CNTLN: variants seen among roughly 807,000 people sequenced by gnomAD.
CNTLN encodes the protein centlein, also known as centlein, centrosomal protein.
CNTLN carries 212 observed loss-of-function variants against 180.0 expected under a neutral mutation model. The observed-to-expected ratio is 1.18, with a 90% CI of 1.05 to 1.32. The LOEUF is 1.32. CNTLN is among the 40% of genes most tolerant of loss of function. CNTLN has a pLI of 0.00. For synonymous variants in CNTLN, 722 were observed against 563.1 expected (o/e 1.28, Z -3.99); for missense variants, 2,095 against 1,610.9 (o/e 1.30, Z -5.14).
intron 5 of CNTLN, among the ~76,000 whole-genome samples, chr9:17,267,846 C>T (rs578146036): frequency 2.0e-5 from 3 of 152,110 alleles, no homozygotes; most frequent in East Asian, 1.9e-4. Flanking sequence ...AATGAGGCTT[C>T]TGCAGTCCAC....
intron 5 of CNTLN, among the ~76,000 whole-genome samples, chr9:17,246,944 G>A (rs1825832685): frequency 6.6e-6 from 1 of 151,988 alleles, no homozygotes; most frequent in African/African-American, 2.4e-5. Flanking sequence ...CTAGGTCCTG[G>A]AATGCGTGCC....
rs541738696 is a variant in CNTLN at position 17,312,750 on chromosome 9, T to G, written c.1341+3498T>G. On this transcript the variant is annotated intron_variant, in intron 8 of 25. Coordinates refer to ENST00000380647, the MANE Select transcript of CNTLN (RefSeq NM_017738.4). ...TTGTCATAAAGCCAAGCATATTGTT[T>G]TGGTGAAAGTACTATATGTACCTGA... Among the ~76,000 whole-genome samples the G allele has an allele frequency of 2.9e-4, 44 of 152,136 alleles. 1 individual carries two copies. Among genetic ancestry groups the G allele is most frequent in the African/African-American group, 1.0e-3 (43 of 41,518 alleles).
chr9:17,395,054 A>T lies in CNTLN; in HGVS notation c.2600A>T (p.Asp867Val), dbSNP rs761030749. 1 of 1,607,914 alleles carries T rather than the reference A, an allele frequency of 6.2e-7. No individual in the cohort carries two copies. The highest frequency in any genetic ancestry group is 1.7e-5 in the Admixed American group (1 of 59,774). ...FENLSKDGWE[D>V]VSESSSDSEA... Reference sequence around the variant, plus strand: ...AACCTCAGCAAGGACGGCTGGGAGGATGTGAGTGAAAGCAGGTAAGGCTCT... The same window carrying T: ...AACCTCAGCAAGGACGGCTGGGAGGTTGTGAGTGAAAGCAGGTAAGGCTCT... Residue 867 changes from aspartate (D) to valine (V), a missense_variant, in exon 15 of 26, where the codon GAT becomes GTT. Transcript: ENST00000380647.
intron 12 of CNTLN, among the ~76,000 whole-genome samples, chr9:17,353,565 T>C (rs1164329417): frequency 6.6e-6 from 1 of 151,056 alleles, no homozygotes; most frequent in Non-Finnish European, 1.5e-5. Context: ...AACTGGGTTG[T>C]TTATCTTTTT....
At chr9:17,270,193 G>A (rs1173981255) in intron 5 of CNTLN, among the ~76,000 whole-genome samples, 1 of 151,848 alleles carries the variant, frequency 6.6e-6, no homozygotes, top group Non-Finnish European at 1.5e-5. Flanking sequence ...TATAAAACCA[G>A]TTTGTTCTTG....
intron 7 of CNTLN, among the ~76,000 whole-genome samples, chr9:17,304,058 A>G (rs1818544966): frequency 6.6e-6 from 1 of 152,118 alleles, no homozygotes; most frequent in Non-Finnish European, 1.5e-5. Flanking sequence ...GATCTGTATC[A>G]TAATATCTGT....
Position 17,303,970 on chromosome 9 carries a change from C to G in CNTLN, c.1147-5088C>G, listed in dbSNP as rs542255849. The stretch of plus-strand genomic sequence containing the variant: ...TACTGTTTCTAATGAAGTTTGTTTC[C>G]TCTGTTCTCTTTCTCTCAATTCTTC... On this transcript the variant is annotated intron_variant, in intron 7 of 25. Transcript: ENST00000380647. Among the ~76,000 whole-genome samples, 10 of 152,160 alleles carry G rather than the reference C, an allele frequency of 6.6e-5. No homozygotes were observed. The East Asian group carries it at 1.9e-3, about 29-fold the overall frequency.
chr9:17,163,142 G>T (rs1040391975), intron 2 of CNTLN, among the ~76,000 whole-genome samples: 6 of 152,134 alleles, frequency 3.9e-5, no homozygotes, highest in South Asian at 2.1e-4. Flanking sequence ...ATCAGGTCTT[G>T]TGAGACTTGT....
chr9:17,375,441 C>T (rs1053727852), intron 13 of CNTLN, among the ~76,000 whole-genome samples: 1 of 152,134 alleles, frequency 6.6e-6, no homozygotes, highest in African/African-American at 2.4e-5. Flanking sequence ...ATGGATGCCC[C>T]ATTTACCCTG....
At chr9:17,329,954 T>C (rs1251535409) in intron 8 of CNTLN, among the ~76,000 whole-genome samples, 5 of 151,968 alleles carry the variant, frequency 3.3e-5, no homozygotes, top group African/African-American at 4.8e-5. Context: ...TTGCATGGGT[T>C]TTAATGGCCT....
intron 2 of CNTLN, among the ~76,000 whole-genome samples, chr9:17,212,326 TC>T (rs1823382020): frequency 6.6e-6 from 1 of 152,254 alleles, no homozygotes; most frequent in South Asian, 2.1e-4. Context: ...GTGGTTTTTG[TC>T]TTTGGTTCTG....
chr9:17,492,176 C>T (rs543752985), intron 25 of CNTLN, among the ~76,000 whole-genome samples: 1 of 152,048 alleles, frequency 6.6e-6, no homozygotes, highest in Admixed American at 6.6e-5. Flanking sequence ...TTTCGTATCA[C>T]TAGAATGTGA....
At chr9:17,353,286 C>T (rs1257484526) in intron 12 of CNTLN, among the ~76,000 whole-genome samples, 12 of 127,540 alleles carry the variant, frequency 9.4e-5, no homozygotes, top group East Asian at 2.3e-4. Context: ...AACTGCCAAA[C>T]TTTTTTTTTT....
chr9:17,266,514 G>T (rs1198099082), intron 5 of CNTLN, among the ~76,000 whole-genome samples: 1 of 152,152 alleles, frequency 6.6e-6, no homozygotes, highest in Non-Finnish European at 1.5e-5. Flanking sequence ...TGTATATTCT[G>T]TTGATTTGGG....
intron 2 of CNTLN, among the ~76,000 whole-genome samples, chr9:17,162,045 T>C (rs536050631): frequency 2.0e-5 from 3 of 152,336 alleles, no homozygotes; most frequent in Admixed American, 2.0e-4. Context: ...GTAAGGAGAA[T>C]GTGCCAGAAT....
chr9:17,332,688 T>G lies in CNTLN; in HGVS notation c.1602T>G (p.Ala534=). 1 of 1,606,756 alleles carries G rather than the reference T, an allele frequency of 6.2e-7. No individual in the cohort carries two copies. The highest frequency in any genetic ancestry group is 8.5e-7 in the Non-Finnish European group (1 of 1,177,200). Residue 534 remains alanine, a synonymous_variant, in exon 10 of 26, where the codon GCT becomes GCG. Transcript: ENST00000380647. Reference sequence around the variant, plus strand: ...AAGAGCTACAGAAGCTGAGAAAAGCTGAAAGAAAGATTGAAAACTTAGAGA... The same window carrying G: ...AAGAGCTACAGAAGCTGAGAAAAGCGGAAAGAAAGATTGAAAACTTAGAGA... The part of the protein sequence containing the change: ...DSEELQKLRK[A]ERKIENLEKA...
chr9:17,231,584 T>C (rs965682418), intron 3 of CNTLN, among the ~76,000 whole-genome samples: 1 of 152,132 alleles, frequency 6.6e-6, no homozygotes, highest in African/African-American at 2.4e-5. Context: ...CATTTTTTCC[T>C]TACCTTCTAG....
rs945845476 is a variant in CNTLN at position 17,464,036 on chromosome 9, T to C, written c.3405-461T>C. ...ATGCTAAACAGCTGTGTGGATTGAATCTCAAATTATATTAAATTAGAAGAT... is the reference window on the plus strand; with the variant it reads ...ATGCTAAACAGCTGTGTGGATTGAACCTCAAATTATATTAAATTAGAAGAT... On this transcript the variant is annotated intron_variant, in intron 20 of 25. Transcript: ENST00000380647. 2.0e-5 allele frequency among the ~76,000 whole-genome samples: 3 copies of C among 151,468 alleles called. No individual in the cohort carries two copies. In the South Asian group the frequency reaches 6.2e-4, roughly 31 times the overall value.
chr9:17,430,327 T>C (rs1416140961), intron 18 of CNTLN, among the ~76,000 whole-genome samples: 1 of 152,010 alleles, frequency 6.6e-6, no homozygotes, highest in East Asian at 1.9e-4. Context: ...ATTAATATCA[T>C]TAATATTACC....
Sources: allele counts gnomAD v4.1 joint callset (sites outside exome capture counted in the v4.1 genomes callset), GRCh38; gene constraint gnomAD v4.1.1; transcripts MANE v1.5; gene names NCBI Gene and HGNC (gene_info 2026-07-23, HGNC 2026-07-21).